Variants in DPH1 observed in about 807,000 individuals in gnomAD.
DPH1 encodes diphthamide biosynthesis 1.
A neutral mutation model predicts 55.3 loss-of-function variants in DPH1; 59 were observed. The observed-to-expected ratio is 1.07, with a 90% confidence interval of 0.87 to 1.33. DPH1 has a LOEUF of 1.33. Ranked by LOEUF, DPH1 falls within the 40% of genes most tolerant of loss-of-function variation. The probability of loss-of-function intolerance (pLI) is 0.00; values close to 1 mark genes in which losing one functional copy is unlikely to be tolerated. For synonymous variants in DPH1, 238 were observed against 235.5 expected (o/e 1.01, Z -0.10); for missense variants, 628 against 584.8 (o/e 1.07, Z -0.76).
intron 1 of DPH1, 92 bp from the exon 2 acceptor site, chr17:2,033,413 G>A (rs753353397): frequency 9.4e-6 from 15 of 1,590,474 alleles, no homozygotes; most frequent in Non-Finnish European, 1.3e-5. Context: ...TTGAGCGGGG[G>A]CACCGGCAGG....
In DPH1 at chr17:2,037,746, G is replaced by A. The variant is rs1009409743; in HGVS notation, c.680+790G>A. ...CTGCCACAGGCAGGTTATCTTCCAC[G>A]CTCTGTAATCTTCATGGGCTGGGAA... is the stretch of plus-strand genomic sequence containing the variant. On this transcript the variant is annotated intron_variant, in intron 6 of 12. Coordinates refer to ENST00000263083, the MANE Select transcript of DPH1 (RefSeq NM_001383.6). 3.9e-5 allele frequency among the ~76,000 whole-genome samples: 6 copies of A among 152,336 alleles called. No individual in the cohort carries two copies. The East Asian group carries it at 9.6e-4, about 24-fold the overall frequency.
Position 2,036,560 on chromosome 17 carries a change from G to A in DPH1, c.432G>A (p.Arg144=). The change falls in exon 5 of 13, where the codon CGG becomes CGA. Residue 144 remains arginine, a synonymous_variant. Transcript: ENST00000263083. This position sits in a 1 kb window ranked among gnomAD's most constrained non-coding sequence, Gnocchi z 4.8. The part of the protein sequence containing the change: ...IPMDTSAQDF[R]VLYVFVDIRI... ...TGGACACCTCGGCCCAAGACTTCCG[G>A]GTGCTGTACGTCTTTGTGGACATCC... is the stretch of plus-strand genomic sequence containing the variant. 1 of 1,614,056 alleles carries A rather than the reference G, an allele frequency of 6.2e-7. No individual in the cohort carries two copies. Among genetic ancestry groups the A allele is most frequent in the East Asian group, 2.2e-5 (1 of 44,886 alleles).
In DPH1 at chr17:2,041,881, A is replaced by G. The variant is rs775545973; in HGVS notation, c.*18+6A>G. 5.7e-6 allele frequency: 9 copies of G among 1,569,556 alleles called. No homozygotes were observed. Among genetic ancestry groups the G allele is most frequent in the Non-Finnish European group, 7.7e-6 (9 of 1,161,734 alleles). The stretch of plus-strand genomic sequence containing the variant: ...GACGCGCTCCCGGGCCTCAGGTATC[A>G]GCCCCCGCTCTGGGTGCGCCCCGCC... On this transcript the variant is annotated splice_donor_region_variant and intron_variant, in intron 12 of 12. Coordinates refer to ENST00000263083, the MANE Select transcript of DPH1 (RefSeq NM_001383.6).
rs1026460671 is a variant in DPH1, at chr17:2,036,922, TCCC to T, written c.650_652del (p.Pro217del). 6.2e-7 allele frequency: 1 copy of T among 1,613,558 alleles called. No individual in the cohort carries two copies. Among genetic ancestry groups the T allele is most frequent in the Non-Finnish European group, 8.5e-7 (1 of 1,179,922 alleles). On this transcript the variant is annotated inframe_deletion, in exon 6 of 13. Coordinates refer to ENST00000263083, the MANE Select transcript of DPH1 (RefSeq NM_001383.6). This position sits in a 1 kb window ranked among gnomAD's most constrained non-coding sequence, Gnocchi z 4.8. ...CCCTGGAGAGATCCTGGGCTGCACA[TCCC>T]CCCGACTGTCCAAAGAGGTGGAGGC...
At position 2,043,118 on chromosome 17, in the gene DPH1, G is replaced by A; in HGVS notation, c.*532G>A. The stretch of plus-strand genomic sequence containing the variant: ...TTTGCAGAGTGAAAGATCAAGAAAT[G>A]TCTCTGCTCCTACATCCAGCTCCTC... On this transcript the variant is annotated 3_prime_UTR_variant, in exon 13 of 13. Transcript: ENST00000263083. 2 of 1,609,850 alleles carry A rather than the reference G, an allele frequency of 1.2e-6. No homozygotes were observed. The highest frequency in any genetic ancestry group is 1.7e-6 in the Non-Finnish European group (2 of 1,177,974).
In DPH1 at chr17:2,040,227, A is replaced by G. The variant is rs759994946; in HGVS notation, c.759A>G (p.Pro253=). 3.1e-6 allele frequency: 5 copies of G among 1,613,924 alleles called. No individual in the cohort carries two copies. The highest frequency in any genetic ancestry group is 1.7e-5 in the Admixed American group (1 of 60,010). Residue 253 remains proline, a synonymous_variant, in exon 8 of 13, where the codon CCA becomes CCG. Coordinates refer to ENST00000263083, the MANE Select transcript of DPH1 (RefSeq NM_001383.6). The part of the protein sequence containing the change: ...NPNVPAYRYD[P]YSKVLSREHY... ...ACTGCTTCTTTTCCAGGTATGACCC[A>G]TATAGCAAAGTCCTATCCAGAGAAC...
chr17:2,032,520 C>T (rs1358609302), intron 1 of DPH1, among the ~76,000 whole-genome samples: 1 of 152,194 alleles, frequency 6.6e-6, no homozygotes, highest in African/African-American at 2.4e-5. Flanking sequence ...CCCTTGGTGT[C>T]TGGATCTGGC....
Position 2,042,129 on chromosome 17 carries a change from G to C in DPH1, c.*18+254G>C, listed in dbSNP as rs545120649. ...GCGGGGCTTCCGTGAGAAGACCGGG[G>C]CGCTGAGGAAGGCGCTGCGGGGTCG... On this transcript the variant is annotated intron_variant, in intron 12 of 12. Coordinates refer to ENST00000263083, the MANE Select transcript of DPH1 (RefSeq NM_001383.6). 1.3e-5 allele frequency: 21 copies of C among 1,557,782 alleles called. No individual in the cohort carries two copies. Among genetic ancestry groups the C allele is most frequent in the East Asian group, 7.3e-5 (3 of 40,896 alleles).
chr17:2,041,032 C>T (rs1404927819), intron 9 of DPH1, 71 bp from the exon 10 acceptor site: 11 of 1,454,812 alleles, frequency 7.6e-6, no homozygotes, highest in Non-Finnish European at 1.0e-5. Flanking sequence ...GGGGCACTGT[C>T]ATGTTCTTCA....
At position 2,042,957 on chromosome 17, in the gene DPH1, CA is replaced by C. The variant is rs764490728; in HGVS notation, c.*374del. ...CGCTCCATGTTTTTGGGGACACTGACAAAGTCATCCCCTCTCAGGAGAGTGT... is the reference window on the plus strand; with the variant it reads ...CGCTCCATGTTTTTGGGGACACTGACAAGTCATCCCCTCTCAGGAGAGTGT... On this transcript the variant is annotated 3_prime_UTR_variant, in exon 13 of 13. Transcript: ENST00000263083. 11 of 1,614,050 alleles carry C rather than the reference CA, an allele frequency of 6.8e-6. No homozygotes were observed. In the East Asian group the frequency reaches 2.0e-4, roughly 29 times the overall value.
intron 1 of DPH1, among the ~76,000 whole-genome samples, chr17:2,031,624 G>C (rs1407476967): frequency 1.3e-5 from 2 of 150,148 alleles, no homozygotes; most frequent in African/African-American, 4.9e-5. Context: ...TGTGGTCCTA[G>C]CTACTGGGGA....
chr17:2,031,429 G>T (rs1366654931), intron 1 of DPH1, among the ~76,000 whole-genome samples: 2 of 151,902 alleles, frequency 1.3e-5, no homozygotes, highest in African/African-American at 4.8e-5. Flanking sequence ...GCGTGTGGTA[G>T]CACACGCCTG....
chr17:2,039,124 C>G (rs907685458), intron 6 of DPH1: 1 of 152,064 alleles, frequency 6.6e-6, no homozygotes, highest in Non-Finnish European at 1.5e-5. Context: ...TGCAGAGGTG[C>G]GATCTCGGCT....
Position 2,035,994 on chromosome 17 carries a change from G to A in DPH1, c.303G>A (p.Val101=), listed in dbSNP as rs1421498121. The change falls in exon 4 of 13, where the codon GTG becomes GTA. Residue 101 remains valine, a synonymous_variant. Coordinates refer to ENST00000263083, the MANE Select transcript of DPH1 (RefSeq NM_001383.6). ...GGTTCACGGAGGCCGAAGTGATGGT[G>A]ATGGGTGACGTGACCTACGGGGCTT... The part of the protein sequence containing the change: ...LERFTEAEVM[V]MGDVTYGACC... 15 of 1,613,974 alleles carry A rather than the reference G, an allele frequency of 9.3e-6. No homozygotes were observed. Among genetic ancestry groups the A allele is most frequent in the Non-Finnish European group, 1.3e-5 (15 of 1,179,928 alleles).
At chr17:2,031,073 T>C (rs2067325317) in intron 1 of DPH1, among the ~76,000 whole-genome samples, 1 of 152,176 alleles carries the variant, frequency 6.6e-6, no homozygotes. Context: ...ATTTCTTGCC[T>C]TTTCATATCC....
In DPH1 at chr17:2,040,955, C is replaced by A. The variant is rs574084492; in HGVS notation, c.1008-148C>A. On this transcript the variant is annotated intron_variant, in intron 9 of 12. Transcript: ENST00000263083. ...AGAAAACACGCAACAATACAGTATT[C>A]CAAACAGCAGTGGGTCACTGTCTTT... The A allele has an allele frequency of 1.3e-5, 10 of 798,040 alleles. No individual in the cohort carries two copies. The South Asian group carries it at 1.6e-4, about 13-fold the overall frequency. The allele number at this position is 798,040 out of a possible 1,614,324, so 49.4% of individuals were successfully genotyped here.
In DPH1 at chr17:2,042,685, CCCG is replaced by C; in HGVS notation, c.*103_*105del. 1 of 1,529,022 alleles carries C rather than the reference CCCG, an allele frequency of 6.5e-7. No individual in the cohort carries two copies. Among genetic ancestry groups the C allele is most frequent in the South Asian group, 1.3e-5 (1 of 76,394 alleles). The allele number at this position is 1,529,022 out of a possible 1,614,324, so 94.7% of individuals were successfully genotyped here. On this transcript the variant is annotated 3_prime_UTR_variant, in exon 13 of 13. Transcript: ENST00000263083. ...CGACGTTTTCTCCGCATTGGAAGAG[CCCG>C]CCGTCTGCAGGGGCCTGGAGGAATC...
rs2067361527 is a variant in DPH1 at position 2,033,624 on chromosome 17, A to G, written c.181A>G (p.Ile61Val). ...CTACAACTTTGAGATCCCCAAGACCATCTGGAGGATCCAACAAGCCCAGGC... is the reference window on the plus strand; with the variant it reads ...CTACAACTTTGAGATCCCCAAGACCGTCTGGAGGATCCAACAAGCCCAGGC... ...SNYNFEIPKT[I>V]WRIQQAQAKK... Residue 61 changes from isoleucine (I) to valine (V), a missense_variant, in exon 2 of 13, where the codon ATC (isoleucine) becomes GTC (valine). Coordinates refer to ENST00000263083, the MANE Select transcript of DPH1 (RefSeq NM_001383.6). The G allele has an allele frequency of 6.8e-6, 11 of 1,614,112 alleles. No individual in the cohort carries two copies. The highest frequency in any genetic ancestry group is 9.3e-6 in the Non-Finnish European group (11 of 1,180,052).
At position 2,040,438 on chromosome 17, in the gene DPH1, G is replaced by C. The variant is rs377358963; in HGVS notation, c.906+64G>C. ...ACTGGGAACACAGCTGGGAAAACCAGTAGGCCACAGGTTCAGCTTTGGCTG... is the reference window on the plus strand; with the variant it reads ...ACTGGGAACACAGCTGGGAAAACCACTAGGCCACAGGTTCAGCTTTGGCTG... On this transcript the variant is annotated intron_variant, in intron 8 of 12. Coordinates refer to ENST00000263083, the MANE Select transcript of DPH1 (RefSeq NM_001383.6). 6 of 1,613,588 alleles carry C rather than the reference G, an allele frequency of 3.7e-6. No individual in the cohort carries two copies. The African/African-American group carries it at 6.7e-5, about 18-fold the overall frequency.
Sources: gnomAD v4.1 joint callset for allele counts (sites outside exome capture counted in the v4.1 genomes callset) on GRCh38, gnomAD v4.1.1 for gene constraint, Gnocchi (gnomAD v3.1) non-coding constraint, MANE v1.5 for transcripts, NCBI Gene and HGNC (gene_info 2026-07-23, HGNC 2026-07-21) for gene names.